HDAC5: variants seen among roughly 807,000 people sequenced by gnomAD.
The protein encoded by HDAC5 is histone deacetylase 5.
Under a neutral mutation model 133.3 loss-of-function variants are expected in HDAC5, and 25 were observed. The observed-to-expected ratio is 0.19, with a 90% confidence interval of 0.14 to 0.26. The LOEUF is 0.26. Among genes scored for constraint, HDAC5 ranks in the 10% least tolerant of loss-of-function variants. HDAC5 has a pLI of 1.00. For missense variants in HDAC5, 1,041 were observed against 1,460.5 expected (o/e 0.71, Z 4.68); for synonymous variants, 589 against 610.8 (o/e 0.96, Z 0.53).
rs962672597 is a variant in HDAC5, at chr17:44,076,929, G to C, written c.*1447C>G. The C allele has an allele frequency of 6.4e-6, 1 of 155,352 alleles. No homozygotes were observed. The highest frequency in any genetic ancestry group is 1.4e-5 in the Non-Finnish European group (1 of 69,988). 9.6% of individuals were successfully genotyped at this position (155,352 alleles called of 1,614,324 possible). On this transcript the variant is annotated 3_prime_UTR_variant, in exon 27 of 27. Coordinates refer to ENST00000682912, the MANE Select transcript of HDAC5 (RefSeq NM_005474.5). ...GGGAGCCTGGGGCTCAGCACAGAGA[G>C]GCCTAGTACACTGAGCCTGGCCCCA... is the stretch of plus-strand genomic sequence containing the variant.
At chr17:44,090,726 G>A (rs2050903360) in intron 11 of HDAC5, among the ~76,000 whole-genome samples, 1 of 151,640 alleles carries the variant, frequency 6.6e-6, no homozygotes, top group Non-Finnish European at 1.5e-5. Context: ...CTCACGCTCT[G>A]TGCCCCAGGC....
At chr17:44,103,772 G>C (rs1057135884) in intron 3 of HDAC5, among the ~76,000 whole-genome samples, 4 of 150,970 alleles carry the variant, frequency 2.6e-5, no homozygotes, top group Non-Finnish European at 5.9e-5. Flanking sequence ...GCAATGGCAC[G>C]ATCTCGGCTC....
intron 8 of HDAC5, 42 bp from the exon 9 acceptor site, chr17:44,092,326 C>A: frequency 1.2e-6 from 2 of 1,612,096 alleles, no homozygotes; most frequent in South Asian, 2.2e-5. Context: ...CTGTGAACTA[C>A]CCCCGACCCC....
At chr17:44,085,238 A>C in intron 14 of HDAC5, 83 bp from the exon 15 acceptor site, 2 of 1,379,776 alleles carry the variant, frequency 1.4e-6, no homozygotes, top group Non-Finnish European at 1.9e-6. Context: ...AGCAGGGCTC[A>C]TGGAGCTGTC....
intron 1 of HDAC5, among the ~76,000 whole-genome samples, chr17:44,120,770 A>G (rs1251332379): frequency 1.3e-5 from 2 of 151,346 alleles, no homozygotes; most frequent in African/African-American, 4.8e-5. Context: ...ACAAGCCAAG[A>G]CATCCCACCC....
intron 24 of HDAC5, 56 bp downstream of exon 24, chr17:44,079,088 T>C: frequency 3.1e-6 from 5 of 1,588,644 alleles, no homozygotes; most frequent in Admixed American, 1.7e-5. Context: ...GGCTGACCCC[T>C]TGCTGGCCCC....
chr17:44,119,714 C>T (rs911324422), intron 1 of HDAC5, among the ~76,000 whole-genome samples: 3 of 152,226 alleles, frequency 2.0e-5, no homozygotes, highest in African/African-American at 7.2e-5. Flanking sequence ...AAGCAGTGTT[C>T]ATGGTCTGAT....
At chr17:44,108,968 A>G (rs1375187394) in intron 3 of HDAC5, among the ~76,000 whole-genome samples, 2 of 150,842 alleles carry the variant, frequency 1.3e-5, no homozygotes, top group African/African-American at 4.9e-5. Flanking sequence ...TGGAGTGGGG[A>G]GACAGGGATC....
chr17:44,096,363 T>C (rs1299053054), intron 3 of HDAC5, among the ~76,000 whole-genome samples: 2 of 151,616 alleles, frequency 1.3e-5, no homozygotes, highest in Non-Finnish European at 2.9e-5. Context: ...GAAATCCTTC[T>C]GGCTACCAGT....
chr17:44,108,766 AAAAAAAC>A (rs2052145759), intron 3 of HDAC5, among the ~76,000 whole-genome samples: 7 of 146,678 alleles, frequency 4.8e-5, no homozygotes, highest in African/African-American at 1.9e-4. Flanking sequence ...AAAAAACAAA[AAAAAAAC>A]AAAAAAAAAA....
rs1048543322 is a variant in HDAC5, at chr17:44,117,608, CAG to C, written c.-95_-94del. 1.4e-6 allele frequency: 2 copies of C among 1,475,646 alleles called. No individual in the cohort carries two copies. Among genetic ancestry groups the C allele is most frequent in the African/African-American group, 2.8e-5 (2 of 72,580 alleles). The allele number at this position is 1,475,646 out of a possible 1,614,324, so 91.4% of individuals were successfully genotyped here. ...GTCAAGAGAGACAGACGATAACAGACAGACGGACGGGACGGGAGCCCGGGGCC... is the reference window on the plus strand; with the variant it reads ...GTCAAGAGAGACAGACGATAACAGACACGGACGGGACGGGAGCCCGGGGCC... On this transcript the variant is annotated 5_prime_UTR_variant, in exon 2 of 27. An upstream open reading frame in the 5' UTR loses its in-frame stop. Transcript: ENST00000682912. This position sits in a 1 kb window ranked among gnomAD's most constrained non-coding sequence, Gnocchi z 4.2.
chr17:44,103,847 T>G (rs1166887736), intron 3 of HDAC5, among the ~76,000 whole-genome samples: 1 of 151,968 alleles, frequency 6.6e-6, no homozygotes, highest in Non-Finnish European at 1.5e-5. Context: ...TAGCTGGGAT[T>G]ACAGGCATAC....
chr17:44,095,505 G>C (rs939570138), intron 3 of HDAC5, among the ~76,000 whole-genome samples: 3 of 151,938 alleles, frequency 2.0e-5, no homozygotes, highest in African/African-American at 7.3e-5. Flanking sequence ...GCAGGAGGGA[G>C]AGGCTGTGGG....
At chr17:44,099,164 G>A (rs912504979) in intron 3 of HDAC5, among the ~76,000 whole-genome samples, 2 of 152,062 alleles carry the variant, frequency 1.3e-5, no homozygotes, top group Admixed American at 6.6e-5. Context: ...AGGTTCACAG[G>A]GGAGGACAAG....
chr17:44,083,511 C>A lies in HDAC5; in HGVS notation c.2463+34G>T, dbSNP rs1225047670. The A allele has an allele frequency of 3.3e-6, 5 of 1,520,864 alleles. No individual in the cohort carries two copies. The East Asian group carries it at 9.1e-5, about 28-fold the overall frequency. The allele number at this position is 1,520,864 out of a possible 1,614,324, so 94.2% of individuals were successfully genotyped here. ...TCTGCCTCTGAGGAGCAGGGCCATG[C>A]CAAGGGGCACCGAGGTCACAAGCAC... is the stretch of plus-strand genomic sequence containing the variant. On this transcript the variant is annotated intron_variant, in intron 18 of 26. Coordinates refer to ENST00000682912, the MANE Select transcript of HDAC5 (RefSeq NM_005474.5).
At position 44,080,088 on chromosome 17, in the gene HDAC5, A is replaced by G; in HGVS notation, c.2944+19T>C. ...TCCTCACTGTTTCACTTCCTCCCTCAATCCCCCAGCAGGCTTACATCTGGC... is the reference window on the plus strand; with the variant it reads ...TCCTCACTGTTTCACTTCCTCCCTCGATCCCCCAGCAGGCTTACATCTGGC... On this transcript the variant is annotated intron_variant, in intron 23 of 26. Coordinates refer to ENST00000682912, the MANE Select transcript of HDAC5 (RefSeq NM_005474.5). 6.5e-7 allele frequency: 1 copy of G among 1,542,466 alleles called. No homozygotes were observed. The highest frequency in any genetic ancestry group is 9.0e-7 in the Non-Finnish European group (1 of 1,115,952).
chr17:44,095,853 G>C (rs866386833), intron 3 of HDAC5, among the ~76,000 whole-genome samples: 4 of 151,994 alleles, frequency 2.6e-5, no homozygotes, highest in Non-Finnish European at 5.9e-5. Flanking sequence ...CTGGTCTTAC[G>C]GAGAACCGGC....
At chr17:44,087,150 C>G (rs927510062) in intron 13 of HDAC5, among the ~76,000 whole-genome samples, 2 of 151,604 alleles carry the variant, frequency 1.3e-5, no homozygotes, top group Non-Finnish European at 2.9e-5. Flanking sequence ...TACACAGACA[C>G]ACAAGCAGAG....
chr17:44,114,173 G>A (rs560719258), intron 2 of HDAC5, among the ~76,000 whole-genome samples: 1 of 152,260 alleles, frequency 6.6e-6, no homozygotes, highest in African/African-American at 2.4e-5. Flanking sequence ...TGGAATGATA[G>A]AGCAGGGAAG....
Sources: allele counts gnomAD v4.1 joint callset (sites outside exome capture counted in the v4.1 genomes callset), GRCh38; gene constraint gnomAD v4.1.1; non-coding constraint Gnocchi (gnomAD v3.1); transcripts MANE v1.5; gene names NCBI Gene and HGNC (gene_info 2026-07-23, HGNC 2026-07-21).